Variants in TACR3 observed in about 807,000 individuals in gnomAD.
TACR3 encodes the protein tachykinin receptor 3.
In TACR3, 34 loss-of-function variants were observed where a neutral mutation model predicts 35.0. The observed-to-expected ratio is 0.97, with a 90% CI of 0.74 to 1.30. TACR3 has a LOEUF of 1.30. TACR3 is among the 50% of genes most tolerant of loss of function. TACR3 has a pLI of 0.00. For synonymous variants in TACR3, 233 were observed against 221.1 expected, an observed-to-expected ratio of 1.05 and a Z score of -0.48; for missense variants, 558 against 591.7, an observed-to-expected ratio of 0.94 and a Z score of 0.59.
rs1725734177 is a variant in TACR3, at chr4:103,656,322, G to C, written c.760C>G (p.Leu254Val). Residue 254 changes from leucine to valine, a missense_variant, in exon 3 of 5, where the codon CTG becomes GTG. By Grantham distance (32) the Leu-to-Val change is conservative. Transcript: ENST00000304883. The part of the protein sequence containing the change: ...HFTYHIIVII[L>V]VYCFPLLIMG... ...ATGAGCAATGGGAAACAGTACACCA[G>C]TATAATGACGATAATATGGTAACTA... 6.2e-7 allele frequency: 1 copy of C among 1,612,370 alleles called. No homozygotes were observed. Among genetic ancestry groups the C allele is most frequent in the Non-Finnish European group, 8.5e-7 (1 of 1,178,904 alleles).
At chr4:103,712,565 C>A (rs60213241) in intron 1 of TACR3, among the ~76,000 whole-genome samples, 4,166 of 152,218 alleles carry the variant, frequency 0.027, 209 homozygotes, top group African/African-American at 0.096. Flanking sequence ...TAGGCATGGG[C>A]AAGGACTTTA....
chr4:103,706,114 GT>G (rs1208611890), intron 1 of TACR3, among the ~76,000 whole-genome samples: 2 of 152,118 alleles, frequency 1.3e-5, no homozygotes, highest in African/African-American at 4.8e-5. Flanking sequence ...TAATAGATTT[GT>G]GAGTTATTTG....
chr4:103,707,889 G>T (rs28590132), intron 1 of TACR3, among the ~76,000 whole-genome samples: 39 of 152,212 alleles, frequency 2.6e-4, no homozygotes, highest in Non-Finnish European at 5.4e-4. Context: ...CACACCCAAG[G>T]AGCCTTACTC....
chr4:103,683,020 A>G (rs754460036), intron 1 of TACR3, among the ~76,000 whole-genome samples: 2 of 152,306 alleles, frequency 1.3e-5, no homozygotes, highest in Middle Eastern at 3.4e-3. Flanking sequence ...TCATAGGTCC[A>G]GTCTTTACTC....
chr4:103,696,079 G>C (rs1722514944), intron 1 of TACR3, among the ~76,000 whole-genome samples: 1 of 151,970 alleles, frequency 6.6e-6, no homozygotes, highest in South Asian at 2.1e-4. Context: ...TTGGTAAATA[G>C]AATGATCTAT....
intron 3 of TACR3, among the ~76,000 whole-genome samples, chr4:103,618,901 G>A (rs1045454817): frequency 6.6e-6 from 1 of 152,052 alleles, no homozygotes; most frequent in African/African-American, 2.4e-5. Context: ...AGCCTGGAAT[G>A]CTGGTATATA....
Position 103,596,374 on chromosome 4 carries a change from A to C in TACR3, c.889-4691T>G, listed in dbSNP as rs575475117. ...TAGTTTACAGTCCCACCAACAGTGT[A>C]AAAGTGTTCCTATTTCTCCACATCC... is the stretch of plus-strand genomic sequence containing the variant. On this transcript the variant is annotated intron_variant, in intron 3 of 4. Coordinates refer to ENST00000304883, the MANE Select transcript of TACR3 (RefSeq NM_001059.3). 2.3e-3 allele frequency among the ~76,000 whole-genome samples: 350 copies of C among 151,892 alleles called. 1 individual carries two copies. The highest frequency in any genetic ancestry group is 7.4e-3 in the African/African-American group (306 of 41,422).
chr4:103,597,823 G>T (rs1378077781), intron 3 of TACR3, among the ~76,000 whole-genome samples: 1 of 152,114 alleles, frequency 6.6e-6, no homozygotes, highest in Non-Finnish European at 1.5e-5. Context: ...TGGTGTATAT[G>T]TGCCACATTT....
chr4:103,627,944 T>A (rs1166861480), intron 3 of TACR3, among the ~76,000 whole-genome samples: 1 of 152,122 alleles, frequency 6.6e-6, no homozygotes, highest in Non-Finnish European at 1.5e-5. Flanking sequence ...CAACAAACTG[T>A]CTCTCAGACC....
At chr4:103,629,191 TG>T (rs1001593333) in intron 3 of TACR3, among the ~76,000 whole-genome samples, 116 of 152,264 alleles carry the variant, frequency 7.6e-4, no homozygotes, top group African/African-American at 2.6e-3. Context: ...TCATACTGAA[TG>T]GGCAAAAACT....
intron 3 of TACR3, among the ~76,000 whole-genome samples, chr4:103,614,359 A>T (rs1236459988): frequency 6.8e-6 from 1 of 146,406 alleles, no homozygotes; most frequent in Non-Finnish European, 1.5e-5. Flanking sequence ...AAAGCCAAAA[A>T]ACTGACAGAT....
chr4:103,641,015 T>C (rs1248949807), intron 3 of TACR3, among the ~76,000 whole-genome samples: 1 of 152,044 alleles, frequency 6.6e-6, no homozygotes, highest in Non-Finnish European at 1.5e-5. Flanking sequence ...TATTTTTTCT[T>C]CTAGTAGTTT....
Position 103,658,299 on chromosome 4 carries a change from T to C in TACR3, c.653A>G (p.Gln218Arg). The C allele has an allele frequency of 1.2e-6, 2 of 1,613,954 alleles. No homozygotes were observed. The highest frequency in any genetic ancestry group is 1.7e-6 in the Non-Finnish European group (2 of 1,179,934). ...WILAFLLAFP[Q>R]CLYSKTKVMP... ...GACTTTGGTTTTGGAATAAAGACAC[T>C]GAGGGAAGGCAAGTAGAAATGCTAG... The change falls in exon 2 of 5, where the codon CAG becomes CGG. Residue 218 changes from glutamine (Q) to arginine (R), a missense_variant. Coordinates refer to ENST00000304883, the MANE Select transcript of TACR3 (RefSeq NM_001059.3).
chr4:103,642,233 T>C (rs1433361446), intron 3 of TACR3, among the ~76,000 whole-genome samples: 2 of 150,798 alleles, frequency 1.3e-5, no homozygotes, highest in East Asian at 3.9e-4. Context: ...TATAATCACA[T>C]TGTATATATA....
At chr4:103,701,824 T>C (rs966029405) in intron 1 of TACR3, among the ~76,000 whole-genome samples, 2 of 152,132 alleles carry the variant, frequency 1.3e-5, no homozygotes, top group African/African-American at 4.8e-5. Context: ...TAATCAATGG[T>C]GCTGGGAAAA....
At chr4:103,636,814 A>G (rs1373529884) in intron 3 of TACR3, among the ~76,000 whole-genome samples, 1 of 152,194 alleles carries the variant, frequency 6.6e-6, no homozygotes, top group Non-Finnish European at 1.5e-5. Context: ...AAACACCTGT[A>G]TGCAAATAAA....
At position 103,618,805 on chromosome 4, in the gene TACR3, T is replaced by A. The variant is rs527746766; in HGVS notation, c.889-27122A>T. 2.1e-4 allele frequency among the ~76,000 whole-genome samples: 32 copies of A among 152,248 alleles called. 1 individual carries two copies. The South Asian group carries it at 6.4e-3, about 31-fold the overall frequency. ...TTTTGTAGTTCTCCTTGTAAAGATC[T>A]TCCACCTCCTTGGTCAGTTGTATTT... On this transcript the variant is annotated intron_variant, in intron 3 of 4. Transcript: ENST00000304883.
chr4:103,610,130 A>G (rs1225555661), intron 3 of TACR3, among the ~76,000 whole-genome samples: 2 of 151,896 alleles, frequency 1.3e-5, no homozygotes, highest in African/African-American at 4.8e-5. Context: ...TTGAGTATGT[A>G]CCTTGTAATG....
intron 3 of TACR3, among the ~76,000 whole-genome samples, chr4:103,635,304 T>C (rs1361080934): frequency 2.0e-5 from 3 of 151,614 alleles, no homozygotes; most frequent in Non-Finnish European, 4.4e-5. Flanking sequence ...GAGGAAGGAA[T>C]GAGGTGGAAC....
Sources: gnomAD v4.1 joint callset for allele counts (sites outside exome capture counted in the v4.1 genomes callset) on GRCh38, gnomAD v4.1.1 for gene constraint, MANE v1.5 for transcripts, NCBI Gene and HGNC (gene_info 2026-07-23, HGNC 2026-07-21) for gene names.